The following FRAS1 variants were observed in gnomAD, a reference collection of about 807,000 sequenced individuals.
FRAS1 encodes the protein Fraser extracellular matrix complex subunit 1.
In FRAS1, 290 loss-of-function variants were observed where a neutral mutation model predicts 435.2. The observed-to-expected ratio is 0.67, with a 90% CI of 0.61 to 0.73. The LOEUF (loss-of-function observed/expected upper bound fraction) is 0.73. FRAS1 is among the 30% of genes least tolerant of loss of function. The pLI, the probability that FRAS1 is intolerant of heterozygous loss-of-function variation, is 0.00. For synonymous variants in FRAS1, 1,800 were observed against 1,851.0 expected, an observed-to-expected ratio of 0.97 and a Z score of 0.71; for missense variants, 4,860 against 5,001.5, an observed-to-expected ratio of 0.97 and a Z score of 0.85.
At position 78,252,539 on chromosome 4, in the gene FRAS1, G is replaced by T; in HGVS notation, c.457G>T (p.Val153Leu). The T allele has an allele frequency of 1.9e-6, 3 of 1,613,440 alleles. No homozygotes were observed. Among genetic ancestry groups the T allele is most frequent in the Non-Finnish European group, 2.5e-6 (3 of 1,179,636 alleles). The stretch of plus-strand genomic sequence containing the variant: ...TGAAGGAAGCTGCTGCCCAGTTTGT[G>T]TGGGCCTTGGGAGTGAGTATGAGCT... Reference protein sequence around the residue: ...IPEGSCCPVCVGLGKPCSYEG... With the variant: ...IPEGSCCPVCLGLGKPCSYEG... The change falls in exon 5 of 74, where the codon GTG (valine) becomes TTG (leucine). Residue 153 changes from valine (V) to leucine (L), a missense_variant. Val to Leu is a conservative substitution (Grantham distance 32). Transcript: ENST00000512123.
chr4:78,516,836 T>C (rs57558056), intron 66 of FRAS1, among the ~76,000 whole-genome samples: 21,222 of 152,200 alleles, frequency 0.14, 1,777 homozygotes, highest in Non-Finnish European at 0.2. Flanking sequence ...TCACCTCCCA[T>C]CTGGTTCCTC....
intron 61 of FRAS1, among the ~76,000 whole-genome samples, chr4:78,506,137 C>T (rs980166338): frequency 6.6e-6 from 1 of 152,174 alleles, no homozygotes; most frequent in African/African-American, 2.4e-5. Context: ...ATCCCAGAGG[C>T]ATGCACCTAT....
intron 22 of FRAS1, among the ~76,000 whole-genome samples, chr4:78,364,268 G>A (rs1348019302): frequency 2.0e-5 from 3 of 152,090 alleles, no homozygotes; most frequent in African/African-American, 7.2e-5. Flanking sequence ...TTGGCGGTGG[G>A]GTCTCCTCTG....
intron 66 of FRAS1, among the ~76,000 whole-genome samples, chr4:78,518,428 A>ATATATATATATATG (rs1721278664): frequency 1.8e-5 from 1 of 54,202 alleles, no homozygotes; most frequent in African/African-American, 5.4e-5. Context: ...TTGTGTATAT[A>ATATATATATATATG]TATATATATA....
At chr4:78,421,498 C>T (rs981548352) in intron 33 of FRAS1, among the ~76,000 whole-genome samples, 1 of 152,132 alleles carries the variant, frequency 6.6e-6, no homozygotes, top group Non-Finnish European at 1.5e-5. Flanking sequence ...TGGTGTCCGC[C>T]TAGATTGAGG....
intron 28 of FRAS1, 30 bp downstream of exon 28, chr4:78,384,173 T>A: frequency 1.4e-6 from 2 of 1,388,792 alleles, no homozygotes; most frequent in Non-Finnish European, 2.0e-6. Flanking sequence ...AATTAATAAT[T>A]TTACATGACT....
chr4:78,318,948 G>C lies in FRAS1; in HGVS notation c.2099G>C (p.Arg700Thr). The C allele has an allele frequency of 6.2e-7, 1 of 1,613,996 alleles. No homozygotes were observed. The highest frequency in any genetic ancestry group is 8.5e-7 in the Non-Finnish European group (1 of 1,179,886). ...IPSGECLAQC[R>T]AHFYLESTGI... ...TCTGGCGAGTGTCTAGCCCAGTGTA[G>C]AGCCCATTTTTACTTGGAGAGCACT... The change falls in exon 18 of 74, where the codon AGA (arginine) becomes ACA (threonine). Residue 700 changes from arginine to threonine, a missense_variant. Physicochemically the swap from Arg to Thr is moderately conservative, Grantham distance 71. Coordinates refer to ENST00000512123, the MANE Select transcript of FRAS1 (RefSeq NM_025074.7).
At chr4:78,269,421 T>C (rs1726542540) in intron 9 of FRAS1, among the ~76,000 whole-genome samples, 1 of 152,202 alleles carries the variant, frequency 6.6e-6, no homozygotes, top group African/African-American at 2.4e-5. Flanking sequence ...TTCTCTAAAA[T>C]ATCAAGGTCA....
In FRAS1 at chr4:78,308,303, T is replaced by C. The variant is rs1258998742; in HGVS notation, c.1678+94T>C. The C allele has an allele frequency of 1.2e-5, 15 of 1,290,996 alleles. No individual in the cohort carries two copies. In the Admixed American group the frequency reaches 3.4e-4, roughly 30 times the overall value. 80.0% of individuals were successfully genotyped at this position (1,290,996 alleles called of 1,614,324 possible). ...AATCATAGCACATTACCAATGTTTC[T>C]TTTACTCAACATATATGTGAATAGC... On this transcript the variant is annotated intron_variant, in intron 15 of 73. Coordinates refer to ENST00000512123, the MANE Select transcript of FRAS1 (RefSeq NM_025074.7).
rs375742682 is a variant in FRAS1, at chr4:78,450,137, C to T, written c.6275-14C>T. 37 of 1,606,424 alleles carry T rather than the reference C, an allele frequency of 2.3e-5. No homozygotes were observed. The highest frequency in any genetic ancestry group is 1.0e-4 in the Admixed American group (6 of 59,334). ...TGTTGGGGAATAACCTACTCTCTTC[C>T]GTTCTCTTCCAAGGGTCTGTAGCAC... On this transcript the variant is annotated splice_polypyrimidine_tract_variant and intron_variant, in intron 44 of 73. Coordinates refer to ENST00000512123, the MANE Select transcript of FRAS1 (RefSeq NM_025074.7).
chr4:78,303,341 G>A (rs1287461024), intron 14 of FRAS1, among the ~76,000 whole-genome samples: 5 of 152,272 alleles, frequency 3.3e-5, no homozygotes, highest in African/African-American at 1.2e-4. Flanking sequence ...GGCGATGGAG[G>A]CTCTTTTTTG....
chr4:78,279,121 C>T (rs544349438), intron 10 of FRAS1, among the ~76,000 whole-genome samples: 1 of 152,264 alleles, frequency 6.6e-6, no homozygotes, highest in South Asian at 2.1e-4. Flanking sequence ...GTTTCTCTTA[C>T]AGAAAACTTT....
chr4:78,414,767 A>T (rs1198500417), intron 32 of FRAS1, among the ~76,000 whole-genome samples: 4 of 152,210 alleles, frequency 2.6e-5, no homozygotes, highest in African/African-American at 9.6e-5. Flanking sequence ...CTCCTAATGT[A>T]TGTTAAGTGC....
At chr4:78,247,607 T>TGTCTG in intron 4 of FRAS1, among the ~76,000 whole-genome samples, 1 of 152,292 alleles carries the variant, frequency 6.6e-6, no homozygotes, top group Non-Finnish European at 1.5e-5. Context: ...GTTAAATGCT[T>TGTCTG]GTCTGGTCTG....
intron 14 of FRAS1, among the ~76,000 whole-genome samples, chr4:78,303,568 C>T (rs930593073): frequency 2.0e-5 from 3 of 152,164 alleles, no homozygotes; most frequent in African/African-American, 7.2e-5. Flanking sequence ...AGAGGTCCTT[C>T]ACGTCCCTTG....
intron 2 of FRAS1, among the ~76,000 whole-genome samples, chr4:78,098,160 T>G (rs1741911443): frequency 6.6e-6 from 1 of 152,132 alleles, no homozygotes; most frequent in Non-Finnish European, 1.5e-5. Context: ...TAGGAGAAGT[T>G]TGTCTTGGGT....
chr4:78,116,148 G>T (rs563503948), intron 2 of FRAS1, among the ~76,000 whole-genome samples: 1 of 152,218 alleles, frequency 6.6e-6, no homozygotes, highest in Non-Finnish European at 1.5e-5. Context: ...TTTTGAGTGA[G>T]TGTCTTAATC....
chr4:78,314,346 A>T (rs1322431813), intron 15 of FRAS1, among the ~76,000 whole-genome samples: 1 of 152,116 alleles, frequency 6.6e-6, no homozygotes, highest in African/African-American at 2.4e-5. Context: ...TGTGAGCGAC[A>T]TCACTTGTCC....
chr4:78,473,360 T>G (rs578027280), intron 52 of FRAS1, 78 bp from the exon 53 acceptor site: 2 of 1,156,574 alleles, frequency 1.7e-6, no homozygotes, highest in South Asian at 3.3e-5. Flanking sequence ...AAGAATAAAC[T>G]AGGTTTGTTG....
Sources: gnomAD v4.1 joint callset for allele counts (sites outside exome capture counted in the v4.1 genomes callset) on GRCh38, gnomAD v4.1.1 for gene constraint, MANE v1.5 for transcripts, NCBI Gene and HGNC (gene_info 2026-07-23, HGNC 2026-07-21) for gene names.